NEK10: variants seen among roughly 807,000 people sequenced by gnomAD.
NEK10 encodes the protein serine/threonine-protein kinase Nek10.
Under a neutral mutation model 159.8 loss-of-function variants are expected in NEK10, and 122 were observed. That is an observed-to-expected ratio of 0.76 (90% confidence interval 0.66 to 0.89). The LOEUF is 0.89. Ranked by LOEUF, NEK10 falls within the 40% of genes least tolerant of loss-of-function variation. The pLI is 0.00. For synonymous variants in NEK10, 466 were observed against 457.1 expected, an observed-to-expected ratio of 1.02 and a Z score of -0.25; for missense variants, 1,342 against 1,323.1, an observed-to-expected ratio of 1.01 and a Z score of -0.22.
chr3:27,186,752 T>A (rs985216380), intron 26 of NEK10, among the ~76,000 whole-genome samples: 1 of 152,162 alleles, frequency 6.6e-6, no homozygotes, highest in East Asian at 1.9e-4. Context: ...GTTGAATGAA[T>A]AATTGAATTG....
chr3:27,141,586 TG>T lies in NEK10; in HGVS notation c.2870-5del, dbSNP rs1283551518. On this transcript the variant is annotated splice_polypyrimidine_tract_variant and splice_region_variant and intron_variant, in intron 30 of 35. Transcript: ENST00000691995. The stretch of plus-strand genomic sequence containing the variant: ...GACACAGCAATTCCTGCTGATGCTG[TG>T]GGTGATAAATTTTGTAGTTAGTCAA... 3 of 1,608,768 alleles carry T rather than the reference TG, an allele frequency of 1.9e-6. No individual in the cohort carries two copies. The highest frequency in any genetic ancestry group is 2.5e-6 in the Non-Finnish European group (3 of 1,176,648).
At chr3:27,294,140 T>G (rs1300468082) in intron 15 of NEK10, among the ~76,000 whole-genome samples, 1 of 152,230 alleles carries the variant, frequency 6.6e-6, no homozygotes, top group African/African-American at 2.4e-5. Flanking sequence ...TAAAGAGTCT[T>G]AAGCATTCCC....
At position 27,184,246 on chromosome 3, in the gene NEK10, A is replaced by G. The variant is rs1948402538; in HGVS notation, c.2505+7783T>C. Among the ~76,000 whole-genome samples, 3 of 152,242 alleles carry G rather than the reference A, an allele frequency of 2.0e-5. No homozygotes were observed. In the South Asian group the frequency reaches 6.2e-4, roughly 31 times the overall value. ...TCATATAATTTAACACTGCCTAGCA[A>G]TATGAACAAATTACTAATACACACC... On this transcript the variant is annotated intron_variant, in intron 26 of 35. Transcript: ENST00000691995.
At chr3:27,350,368 C>T in intron 3 of NEK10, among the ~76,000 whole-genome samples, 1 of 152,076 alleles carries the variant, frequency 6.6e-6, no homozygotes, top group East Asian at 1.9e-4. Context: ...CTTTCTGGAA[C>T]AAGCAAAGTA....
intron 25 of NEK10, among the ~76,000 whole-genome samples, chr3:27,196,859 A>T (rs1949604023): frequency 6.6e-6 from 1 of 152,194 alleles, no homozygotes. Context: ...AACAACAGAC[A>T]ACAGGAACAA....
At chr3:27,175,547 G>A (rs1421774213) in intron 26 of NEK10, among the ~76,000 whole-genome samples, 1 of 152,142 alleles carries the variant, frequency 6.6e-6, no homozygotes, top group Non-Finnish European at 1.5e-5. Flanking sequence ...ATTAATTAAT[G>A]CCACTGATGC....
At chr3:27,134,935 G>A (rs1265604904) in intron 31 of NEK10, among the ~76,000 whole-genome samples, 1 of 152,222 alleles carries the variant, frequency 6.6e-6, no homozygotes, top group East Asian at 1.9e-4. Context: ...ACTCATTTAT[G>A]CGCAGTCTCA....
At chr3:27,273,121 C>T (rs1191850768) in intron 22 of NEK10, among the ~76,000 whole-genome samples, 1 of 152,060 alleles carries the variant, frequency 6.6e-6, no homozygotes, top group Non-Finnish European at 1.5e-5. Flanking sequence ...TGCTCAAAGG[C>T]CCTATGGTCA....
chr3:27,138,934 T>C (rs962851935), intron 31 of NEK10, among the ~76,000 whole-genome samples: 2 of 152,162 alleles, frequency 1.3e-5, no homozygotes. Flanking sequence ...ATGGGTTCTT[T>C]TGAATGCATT....
At chr3:27,143,348 T>C in intron 30 of NEK10, 1 of 596,720 alleles carries the variant, frequency 1.7e-6, no homozygotes, top group Non-Finnish European at 3.0e-6. Flanking sequence ...GTTTATAGAT[T>C]CATAGATTTT....
chr3:27,289,691 G>C (rs1036689627), intron 19 of NEK10, among the ~76,000 whole-genome samples: 4 of 152,192 alleles, frequency 2.6e-5, no homozygotes, highest in Non-Finnish European at 4.4e-5. Context: ...TTCTAGCCTT[G>C]TGCTACAATG....
chr3:27,136,279 A>AG (rs2125547905), intron 31 of NEK10, among the ~76,000 whole-genome samples: 1 of 150,806 alleles, frequency 6.6e-6, no homozygotes. Flanking sequence ...CGCCCGGCTA[A>AG]TTTTTTCTAT....
intron 1 of NEK10, among the ~76,000 whole-genome samples, chr3:27,353,264 A>G (rs1370271277): frequency 6.6e-6 from 1 of 152,348 alleles, no homozygotes. Context: ...CATATTTTCA[A>G]TTACATAACA....
Position 27,314,202 on chromosome 3 carries a change from A to C in NEK10, c.489+95T>G, listed in dbSNP as rs1310152830. ...CTCTCTGGGGCAGACAGCATAACAT[A>C]GGAAAGCCACCTTCTGTCACATACC... is the stretch of plus-strand genomic sequence containing the variant. On this transcript the variant is annotated intron_variant, in intron 7 of 35. Transcript: ENST00000691995. The C allele has an allele frequency of 7.0e-6, 6 of 856,824 alleles. No homozygotes were observed. The Admixed American group carries it at 1.2e-4, about 17-fold the overall frequency. The allele number at this position is 856,824 out of a possible 1,614,324, so 53.1% of individuals were successfully genotyped here. A position where few individuals can be genotyped will look rare whatever the true frequency, so the allele number is the denominator to read the frequency against.
In NEK10 at chr3:27,106,775, A is replaced by T. The variant is rs536245739; in HGVS notation, c.*4497T>A. 6.6e-6 allele frequency among the ~76,000 whole-genome samples: 1 copy of T among 152,200 alleles called. No individual in the cohort carries two copies. Among genetic ancestry groups the T allele is most frequent in the Non-Finnish European group, 1.5e-5 (1 of 68,028 alleles). Reference sequence around the variant, plus strand: ...TTTCATTTGTGAACTCACCATATCAATTCCAAGTATCCATCTGGATTTGTT... The same window carrying T: ...TTTCATTTGTGAACTCACCATATCATTTCCAAGTATCCATCTGGATTTGTT... On this transcript the variant is annotated 3_prime_UTR_variant, in exon 36 of 36. Transcript: ENST00000691995.
chr3:27,202,348 A>G, intron 24 of NEK10, 80 bp downstream of exon 24: 4 of 1,389,390 alleles, frequency 2.9e-6, no homozygotes, highest in Non-Finnish European at 2.9e-6. Context: ...GTTATATACA[A>G]ATCACAAAGA....
At chr3:27,162,629 G>C in intron 30 of NEK10, 72 bp downstream of exon 30, 19 of 1,614,070 alleles carry the variant, frequency 1.2e-5, no homozygotes, top group Non-Finnish European at 1.5e-5. Flanking sequence ...GGAAAGATAT[G>C]AAACTGTAAC....
intron 1 of NEK10, 85 bp from the exon 2 acceptor site, chr3:27,353,004 A>G: frequency 3.1e-6 from 2 of 637,580 alleles, no homozygotes; most frequent in Non-Finnish European, 5.5e-6. Flanking sequence ...ACCCACTTAT[A>G]ACATCTATTT....
chr3:27,256,909 TCTC>T (rs1956243099), intron 22 of NEK10, among the ~76,000 whole-genome samples: 2 of 140,824 alleles, frequency 1.4e-5, no homozygotes, highest in South Asian at 4.6e-4. Flanking sequence ...CTCTTTTTTC[TCTC>T]TTTTTTTTTT....
Sources: gnomAD v4.1 joint callset for allele counts (sites outside exome capture counted in the v4.1 genomes callset) on GRCh38, gnomAD v4.1.1 for gene constraint, MANE v1.5 for transcripts, NCBI Gene and HGNC (gene_info 2026-07-23, HGNC 2026-07-21) for gene names.